Variants in SH2D4A observed in about 807,000 individuals in gnomAD.
The protein encoded by SH2D4A is SH2 domain containing 4A, also known as SH2 domain-containing protein 4A.
In SH2D4A, 70 loss-of-function variants were observed where a neutral mutation model predicts 64.7. That is an observed-to-expected ratio of 1.08 (90% CI 0.89 to 1.32). The LOEUF (loss-of-function observed/expected upper bound fraction) is 1.32. Ranked by LOEUF, SH2D4A falls within the 40% of genes most tolerant of loss-of-function variation. The pLI, the probability that SH2D4A is intolerant of heterozygous loss-of-function variation, is 0.00. For missense variants in SH2D4A, 706 were observed against 540.1 expected (o/e 1.31, Z -3.04); for synonymous variants, 268 against 200.7 (o/e 1.34, Z -2.83).
At chr8:19,315,232 C>G (rs1335259675) in intron 1 of SH2D4A, among the ~76,000 whole-genome samples, 1 of 152,124 alleles carries the variant, frequency 6.6e-6, no homozygotes, top group African/African-American at 2.4e-5. Context: ...AACTCTCCAA[C>G]TCAAGAGATC....
At chr8:19,363,645 C>G (rs1197973364) in intron 6 of SH2D4A, among the ~76,000 whole-genome samples, 1 of 152,188 alleles carries the variant, frequency 6.6e-6, no homozygotes, top group African/African-American at 2.4e-5. Flanking sequence ...TAGTCCTGAT[C>G]TCTGCTAGTG....
chr8:19,361,084 T>A, intron 5 of SH2D4A, 119 bp from the exon 6 acceptor site: 2 of 540,314 alleles, frequency 3.7e-6, no homozygotes, highest in Admixed American at 3.4e-5. Flanking sequence ...GGCCAGAGAG[T>A]TAGATAGAAG....
Position 19,334,759 on chromosome 8 carries a change from A to G in SH2D4A, c.415A>G (p.Asn139Asp). 6.2e-7 allele frequency: 1 copy of G among 1,614,176 alleles called. No individual in the cohort carries two copies. The highest frequency in any genetic ancestry group is 8.5e-7 in the Non-Finnish European group (1 of 1,180,028). The change falls in exon 4 of 10, where the codon AAC becomes GAC. Residue 139 changes from asparagine (N) to aspartate (D), a missense_variant. Coordinates refer to ENST00000265807, the MANE Select transcript of SH2D4A (RefSeq NM_022071.4). ...SQYHDLQAPD[N>D]QQTKDIWKKV... Reference sequence around the variant, plus strand: ...GTACCATGATCTGCAGGCTCCGGATAACCAGCAGACTAAAGACATCTGGAA... The same window carrying G: ...GTACCATGATCTGCAGGCTCCGGATGACCAGCAGACTAAAGACATCTGGAA...
At chr8:19,393,956 A>G (rs888608074) in intron 9 of SH2D4A, among the ~76,000 whole-genome samples, 3 of 152,170 alleles carry the variant, frequency 2.0e-5, no homozygotes, top group African/African-American at 7.2e-5. Flanking sequence ...TTACATTGTT[A>G]TATATAATGA....
chr8:19,360,315 C>CA lies in SH2D4A; in HGVS notation c.595-881dup, dbSNP rs1268766257. On this transcript the variant is annotated intron_variant, in intron 5 of 9. Coordinates refer to ENST00000265807, the MANE Select transcript of SH2D4A (RefSeq NM_022071.4). ...TTTCTGTTTTTTTTTTTTTTTGAAA[C>CA]AAAAAAATACATATTCTGGCAGGGT... 2.4e-5 allele frequency among the ~76,000 whole-genome samples: 3 copies of CA among 124,966 alleles called. No homozygotes were observed. In the South Asian group the frequency reaches 7.7e-4, roughly 32 times the overall value. 82.0% of individuals were successfully genotyped at this position (124,966 alleles called of 152,430 possible).
intron 2 of SH2D4A, among the ~76,000 whole-genome samples, chr8:19,321,381 T>G (rs1049656322): frequency 2.0e-5 from 3 of 152,092 alleles, no homozygotes; most frequent in Admixed American, 6.5e-5. Flanking sequence ...ACCCAGCTAA[T>G]TTTTGAATTT....
At chr8:19,355,409 T>A (rs1022095184) in intron 4 of SH2D4A, among the ~76,000 whole-genome samples, 5 of 152,156 alleles carry the variant, frequency 3.3e-5, no homozygotes, top group African/African-American at 1.2e-4. Context: ...GTTACTGTTC[T>A]AAGTTTAGAC....
At chr8:19,330,759 C>T (rs952482705) in intron 2 of SH2D4A, among the ~76,000 whole-genome samples, 4 of 151,862 alleles carry the variant, frequency 2.6e-5, no homozygotes, top group African/African-American at 9.7e-5. Flanking sequence ...GCATCTTCCT[C>T]TTGCTGTCAA....
intron 7 of SH2D4A, among the ~76,000 whole-genome samples, chr8:19,365,249 A>T (rs1436708029): frequency 6.6e-6 from 1 of 152,158 alleles, no homozygotes; most frequent in Non-Finnish European, 1.5e-5. Flanking sequence ...TGCTGTAATT[A>T]TTTCTACTTA....
chr8:19,350,252 C>A (rs1409504117), intron 4 of SH2D4A, among the ~76,000 whole-genome samples: 1 of 152,194 alleles, frequency 6.6e-6, no homozygotes, highest in African/African-American at 2.4e-5. Flanking sequence ...TTGAAACTCC[C>A]TCGCATGTGA....
chr8:19,325,554 C>T (rs961562323), intron 2 of SH2D4A, among the ~76,000 whole-genome samples: 7 of 152,112 alleles, frequency 4.6e-5, no homozygotes, highest in Non-Finnish European at 8.8e-5. Context: ...AGCTGCGTGG[C>T]GAACATCTTT....
At chr8:19,347,649 A>T (rs1207644972) in intron 4 of SH2D4A, among the ~76,000 whole-genome samples, 1 of 152,208 alleles carries the variant, frequency 6.6e-6, no homozygotes, top group African/African-American at 2.4e-5. Flanking sequence ...TTTAGATTTT[A>T]TCTCCAGAGA....
chr8:19,317,895 C>CT (rs377444735), intron 1 of SH2D4A, among the ~76,000 whole-genome samples: 26 of 148,916 alleles, frequency 1.7e-4, no homozygotes, highest in South Asian at 4.3e-4. Flanking sequence ...TGGTCAATTT[C>CT]TTTTTTTTTT....
At chr8:19,393,126 C>T (rs921382856) in intron 8 of SH2D4A, among the ~76,000 whole-genome samples, 192 bp from the exon 9 acceptor site, 1 of 152,136 alleles carries the variant, frequency 6.6e-6, no homozygotes, top group Non-Finnish European at 1.5e-5. Context: ...GCCTCTATAA[C>T]CTGTTCATGT....
chr8:19,352,239 G>T (rs1240183446), intron 4 of SH2D4A, among the ~76,000 whole-genome samples: 1 of 152,212 alleles, frequency 6.6e-6, no homozygotes, highest in Non-Finnish European at 1.5e-5. Context: ...GTTGTCAGCA[G>T]CACCTTTTTG....
chr8:19,336,718 A>C (rs1331592907), intron 4 of SH2D4A, among the ~76,000 whole-genome samples: 3 of 151,940 alleles, frequency 2.0e-5, no homozygotes, highest in Non-Finnish European at 4.4e-5. Context: ...TTAAAAAAAA[A>C]CAGCCAAGCA....
intron 1 of SH2D4A, among the ~76,000 whole-genome samples, chr8:19,319,074 C>A (rs1248376880): frequency 6.6e-6 from 1 of 151,344 alleles, no homozygotes; most frequent in African/African-American, 2.4e-5. Context: ...GCTGGACAAA[C>A]CTCTGTGAAC....
intron 8 of SH2D4A, among the ~76,000 whole-genome samples, chr8:19,386,819 A>G (rs2053401606): frequency 2.0e-5 from 3 of 152,214 alleles, no homozygotes; most frequent in Non-Finnish European, 4.4e-5. Context: ...TTGCTCTGTC[A>G]CTCAGGTTGG....
chr8:19,365,216 A>T (rs2052972411), intron 7 of SH2D4A, among the ~76,000 whole-genome samples: 1 of 152,188 alleles, frequency 6.6e-6, no homozygotes, highest in African/African-American at 2.4e-5. Context: ...CTCAGGGGAA[A>T]CACAAAGGCG....
Sources: allele counts gnomAD v4.1 joint callset (sites outside exome capture counted in the v4.1 genomes callset), GRCh38; gene constraint gnomAD v4.1.1; transcripts MANE v1.5; gene names NCBI Gene and HGNC (gene_info 2026-07-23, HGNC 2026-07-21).